Variants in ZNF723 observed in about 807,000 individuals in gnomAD.
ZNF723 encodes the protein zinc finger protein 723, pseudogene.
Under a neutral mutation model 9.4 loss-of-function variants are expected in ZNF723, and 5 were observed. The ratio of observed to expected loss-of-function variants is 0.53; its 90% CI spans 0.28 to 1.12. The LOEUF (loss-of-function observed/expected upper bound fraction) is 1.12, where lower values mean the gene tolerates loss of function less well. Among genes scored for constraint, ZNF723 ranks in the 50% most tolerant of loss-of-function variants. ZNF723 has a pLI of 0.10. For missense variants in ZNF723, 450 were observed against 501.5 expected, an observed-to-expected ratio of 0.90 and a Z score of 0.98; for synonymous variants, 158 against 168.8, an observed-to-expected ratio of 0.94 and a Z score of 0.49.
At chr19:22,831,015 G>A (rs764394924), upstream of ZNF723, among the ~76,000 whole-genome samples, 35 of 152,000 alleles carry the variant, frequency 2.3e-4, no homozygotes, top group Non-Finnish European at 4.9e-4. Context: ...CACCTACCTC[G>A]GCCTCCCAGA....
intron 2 of ZNF723, 35 bp from the exon 3 acceptor site, chr19:22,849,163 A>G: frequency 1.9e-6 from 1 of 530,822 alleles, no homozygotes; most frequent in Non-Finnish European, 3.4e-6. Context: ...GAAGAATATG[A>G]GGAACATTCA....
chr19:22,838,085 G>A (rs552376030), intron 1 of ZNF723, among the ~76,000 whole-genome samples: 2 of 152,250 alleles, frequency 1.3e-5, no homozygotes, highest in South Asian at 4.1e-4. Flanking sequence ...GTAAAATTGT[G>A]TCATGGAAGT....
In ZNF723 at chr19:22,848,334, A is replaced by T; in HGVS notation, c.77A>T (p.Gln26Leu). 6.8e-7 allele frequency: 1 copy of T among 1,468,306 alleles called. No individual in the cohort carries two copies. The highest frequency in any genetic ancestry group is 1.4e-5 in the African/African-American group (1 of 71,420). The allele number at this position is 1,468,306 out of a possible 1,614,324, so 91.0% of individuals were successfully genotyped here. A position where few individuals can be genotyped will look rare whatever the true frequency, so the allele number is the denominator to read the frequency against. ...TGGCAATTCCTGGACACTGCACAGC[A>T]GAATTTATATAGGGATGTGATGTTA... ...EEWQFLDTAQ[Q>L]NLYRDVMLEN... Residue 26 changes from glutamine to leucine, a missense_variant, in exon 2 of 4, where the codon CAG (glutamine) becomes CTG (leucine). Physicochemically the swap from Gln to Leu is moderately radical, Grantham distance 113 (BLOSUM62 -2). Transcript: ENST00000600766.
chr19:22,812,462 G>GA, the ZNF723 span, among the ~76,000 whole-genome samples: 15 of 152,300 alleles, frequency 9.8e-5, 1 homozygote, highest in East Asian at 2.5e-3. Context: ...GGCAGGTGAG[G>GA]ACTCTTTTAT....
chr19:22,813,230 A>C, the ZNF723 span, among the ~76,000 whole-genome samples: 1 of 152,170 alleles, frequency 6.6e-6, no homozygotes, highest in Non-Finnish European at 1.5e-5. Context: ...GGACATGTGT[A>C]AGATTGTTAA....
chr19:22,836,124 A>G (rs1159108897), intron 1 of ZNF723, among the ~76,000 whole-genome samples: 1 of 152,142 alleles, frequency 6.6e-6, no homozygotes, highest in Non-Finnish European at 1.5e-5. Flanking sequence ...TTGAGCCTGC[A>G]AAAGGAGGTT....
At chr19:22,829,289 CTTT>C (rs138454881), upstream of ZNF723, among the ~76,000 whole-genome samples, 83 of 142,476 alleles carry the variant, frequency 5.8e-4, no homozygotes, top group Middle Eastern at 3.6e-3. Context: ...CGTAAGTACT[CTTT>C]TTTTTTTTTT....
At chr19:22,844,365 T>C (rs1967282733) in intron 1 of ZNF723, among the ~76,000 whole-genome samples, 1 of 152,206 alleles carries the variant, frequency 6.6e-6, no homozygotes, top group Non-Finnish European at 1.5e-5. Flanking sequence ...CATTTAGCTT[T>C]TATTGTATAC....
the ZNF723 span, among the ~76,000 whole-genome samples, chr19:22,822,712 A>G: frequency 6.6e-6 from 1 of 152,110 alleles, no homozygotes; most frequent in Admixed American, 6.5e-5. Flanking sequence ...AATACAAAAA[A>G]TTAGCTGGGT....
the ZNF723 span, among the ~76,000 whole-genome samples, chr19:22,822,728 G>GGT: frequency 6.6e-6 from 1 of 152,136 alleles, no homozygotes; most frequent in Admixed American, 6.5e-5. Context: ...TGGGTGTGGT[G>GGT]GTGGGTGCCT....
At position 22,847,035 on chromosome 19, in the gene ZNF723, A is replaced by AT. The variant is rs142337015; in HGVS notation, c.4-1211dup. On this transcript the variant is annotated intron_variant, in intron 1 of 3. Coordinates refer to ENST00000600766, the MANE Select transcript of ZNF723 (RefSeq NM_001349726.2). ...CACTTGGATAAGCACTCTCTGACAGATTTTTTTTTTTTTTTACTATAATTT... is the reference window on the plus strand; with the variant it reads ...CACTTGGATAAGCACTCTCTGACAGATTTTTTTTTTTTTTTTACTATAATTT... Among the ~76,000 whole-genome samples, 844 of 137,308 alleles carry AT rather than the reference A, an allele frequency of 6.1e-3. 11 individuals are homozygous for AT. Among genetic ancestry groups the AT allele is most frequent in the African/African-American group, 0.018 (669 of 37,826 alleles). 90.1% of individuals were successfully genotyped at this position (137,308 alleles called of 152,430 possible).
At chr19:22,844,992 G>A (rs1474329617) in intron 1 of ZNF723, among the ~76,000 whole-genome samples, 5 of 152,234 alleles carry the variant, frequency 3.3e-5, no homozygotes, top group South Asian at 2.1e-4. Context: ...GGTGGCAGGC[G>A]CCTGTAGTCC....
At chr19:22,815,065 A>T in the ZNF723 span, among the ~76,000 whole-genome samples, 1 of 151,790 alleles carries the variant, frequency 6.6e-6, no homozygotes, top group Non-Finnish European at 1.5e-5. Context: ...TTCATTTATC[A>T]CCTAGGGGAT....
chr19:22,823,843 G>A, the ZNF723 span, among the ~76,000 whole-genome samples: 1 of 152,186 alleles, frequency 6.6e-6, no homozygotes, highest in South Asian at 2.1e-4. Flanking sequence ...TTGCCTACAA[G>A]AAAGATTGTG....
At chr19:22,845,185 C>T (rs1370553873) in intron 1 of ZNF723, among the ~76,000 whole-genome samples, 2 of 152,134 alleles carry the variant, frequency 1.3e-5, no homozygotes, top group Non-Finnish European at 2.9e-5. Flanking sequence ...TAAAGAGGGA[C>T]TAAAATTACT....
At chr19:22,850,581 C>T (rs1017175281) in intron 3 of ZNF723, among the ~76,000 whole-genome samples, 4 of 151,872 alleles carry the variant, frequency 2.6e-5, no homozygotes, top group African/African-American at 7.3e-5. Context: ...TCACTGCAAC[C>T]TCCGCCTCCT....
At chr19:22,854,671 G>T (rs1967448010) in intron 3 of ZNF723, among the ~76,000 whole-genome samples, 1 of 151,030 alleles carries the variant, frequency 6.6e-6, no homozygotes, top group Admixed American at 6.6e-5. Context: ...ATTCTTTGTG[G>T]TACCTTGGGG....
chr19:22,854,154 TACAC>T lies in ZNF723; in HGVS notation c.227-2946_227-2943del, dbSNP rs71163412. Among the ~76,000 whole-genome samples the T allele has an allele frequency of 1.1e-4, 16 of 149,790 alleles. No homozygotes were observed. The East Asian group carries it at 1.2e-3, about 11-fold the overall frequency. ...ATATATTTGAAAGCCAAATGTGAGATACACACACACACACACACACATTTGTTAT... is the reference window on the plus strand; with the variant it reads ...ATATATTTGAAAGCCAAATGTGAGATACACACACACACACACATTTGTTAT... On this transcript the variant is annotated intron_variant, in intron 3 of 3. Transcript: ENST00000600766.
intron 3 of ZNF723, among the ~76,000 whole-genome samples, chr19:22,854,874 C>G (rs113243046): frequency 0.011 from 1,607 of 152,022 alleles, 29 homozygotes; most frequent in African/African-American, 0.037. Context: ...ATGGAGAAAC[C>G]CTGTCTCTAC....
Sources: gnomAD v4.1 joint callset for allele counts (sites outside exome capture counted in the v4.1 genomes callset) on GRCh38, gnomAD v4.1.1 for gene constraint, MANE v1.5 for transcripts, NCBI Gene and HGNC (gene_info 2026-07-23, HGNC 2026-07-21) for gene names.